Variants in ESRRG observed in about 807,000 individuals in gnomAD.
ESRRG encodes the protein estrogen related receptor gamma.
Under a neutral mutation model 44.0 loss-of-function variants are expected in ESRRG, and 13 were observed. The ratio of observed to expected loss-of-function variants is 0.30; its 90% confidence interval spans 0.19 to 0.47. The LOEUF (loss-of-function observed/expected upper bound fraction) is 0.47, where lower values mean the gene tolerates loss of function less well. ESRRG is among the 20% of genes least tolerant of loss of function. The probability of loss-of-function intolerance (pLI) is 1.00; values close to 1 mark genes in which losing one functional copy is unlikely to be tolerated. For missense variants in ESRRG, 395 were observed against 580.6 expected, an observed-to-expected ratio of 0.68 and a Z score of 3.29; for synonymous variants, 215 against 214.6, an observed-to-expected ratio of 1.00 and a Z score of -0.02.
At chr1:216,777,154 C>T (rs1289734473) in intron 2 of ESRRG, among the ~76,000 whole-genome samples, 1 of 152,114 alleles carries the variant, frequency 6.6e-6, no homozygotes, top group East Asian at 1.9e-4. Context: ...TATTTTGTGA[C>T]AGCTCTGTAT....
intron 2 of ESRRG, among the ~76,000 whole-genome samples, chr1:216,881,288 T>A (rs929337064): frequency 6.6e-6 from 1 of 152,186 alleles, no homozygotes; most frequent in African/African-American, 2.4e-5. Context: ...CTCAAAATAA[T>A]TGCAAAGATT....
At chr1:216,619,486 A>T (rs2150438234) in intron 3 of ESRRG, among the ~76,000 whole-genome samples, 1 of 152,304 alleles carries the variant, frequency 6.6e-6, no homozygotes, top group African/African-American at 2.4e-5. Flanking sequence ...TTGGCTTTCA[A>T]ATATGTAGGC....
intron 2 of ESRRG, among the ~76,000 whole-genome samples, chr1:216,912,258 GAGGA>G (rs1560084923): frequency 5.4e-5 from 3 of 55,446 alleles, no homozygotes; most frequent in Non-Finnish European, 8.4e-5. Context: ...GAGGAGAGGA[GAGGA>G]GAGGGGAGGG....
intron 3 of ESRRG, among the ~76,000 whole-genome samples, chr1:216,636,449 T>G (rs531641678): frequency 4.7e-4 from 71 of 152,338 alleles, no homozygotes; most frequent in African/African-American, 1.7e-3. Context: ...ATACTTTTTT[T>G]CAGTGATCTC....
intron 2 of ESRRG, among the ~76,000 whole-genome samples, chr1:216,778,685 T>C (rs2093703339): frequency 6.6e-6 from 1 of 151,920 alleles, no homozygotes; most frequent in African/African-American, 2.4e-5. Flanking sequence ...TTGGCTGAAA[T>C]GTATTGTACA....
intron 1 of ESRRG, among the ~76,000 whole-genome samples, chr1:217,043,921 T>C (rs1248363056): frequency 3.3e-5 from 5 of 150,618 alleles, no homozygotes; most frequent in African/African-American, 1.2e-4. Context: ...CCCAGAGCTC[T>C]GAAGAAAAGA....
intron 1 of ESRRG, among the ~76,000 whole-genome samples, chr1:216,992,783 T>C (rs1265437253): frequency 6.6e-6 from 1 of 152,218 alleles, no homozygotes; most frequent in Non-Finnish European, 1.5e-5. Flanking sequence ...TATACCATTA[T>C]TATCAAAGAA....
At chr1:216,774,103 A>G (rs1367043342) in intron 2 of ESRRG, among the ~76,000 whole-genome samples, 2 of 152,218 alleles carry the variant, frequency 1.3e-5, no homozygotes, top group Middle Eastern at 6.8e-3. Flanking sequence ...GGAGTGGAAG[A>G]GCTAAGATTT....
chr1:216,522,547 C>A (rs1433961667), intron 5 of ESRRG, among the ~76,000 whole-genome samples: 1 of 151,958 alleles, frequency 6.6e-6, no homozygotes, highest in Non-Finnish European at 1.5e-5. Context: ...GCTCTCCTGC[C>A]CAAATGCCTG....
At chr1:216,708,198 G>C (rs1046295822) in intron 1 of ESRRG, among the ~76,000 whole-genome samples, 26 of 149,154 alleles carry the variant, frequency 1.7e-4, no homozygotes, top group African/African-American at 6.2e-4. Flanking sequence ...CAAAGTCTCA[G>C]AAAAAAAAGC....
In ESRRG at chr1:216,504,087, A is replaced by G. The variant is rs562030703; in HGVS notation, c.*2852T>C. ...GAGTTACTTAAACTGAAAACTAAAA[A>G]ATTGTATCTCATTCTTTGAACATAT... On this transcript the variant is annotated 3_prime_UTR_variant, in exon 7 of 7. Coordinates refer to ENST00000408911, the MANE Select transcript of ESRRG (RefSeq NM_001438.4). 1 of 152,644 alleles carries G rather than the reference A, an allele frequency of 6.6e-6. No individual in the cohort carries two copies. The highest frequency in any genetic ancestry group is 1.9e-4 in the East Asian group (1 of 5,186). 9.5% of individuals were successfully genotyped at this position (152,644 alleles called of 1,614,324 possible). A position where few individuals can be genotyped will look rare whatever the true frequency, so the allele number is the denominator to read the frequency against.
At chr1:217,080,819 A>G (rs2091699578) in intron 1 of ESRRG, among the ~76,000 whole-genome samples, 1 of 151,656 alleles carries the variant, frequency 6.6e-6, no homozygotes, top group Non-Finnish European at 1.5e-5. Flanking sequence ...CTGGGACTAC[A>G]GGCGCCCGCC....
chr1:216,656,829 C>A (rs2070729454), intron 2 of ESRRG, among the ~76,000 whole-genome samples: 1 of 152,072 alleles, frequency 6.6e-6, no homozygotes, highest in South Asian at 2.1e-4. Context: ...ATATTTCTCC[C>A]AATTGTTTTA....
intron 1 of ESRRG, among the ~76,000 whole-genome samples, chr1:217,044,072 C>A (rs1209322062): frequency 6.6e-6 from 1 of 152,096 alleles, no homozygotes; most frequent in Non-Finnish European, 1.5e-5. Context: ...ATCTCAAGAC[C>A]CAGTCAATTA....
intron 5 of ESRRG, among the ~76,000 whole-genome samples, chr1:216,548,384 A>G (rs1385154407): frequency 6.6e-6 from 1 of 152,104 alleles, no homozygotes; most frequent in African/African-American, 2.4e-5. Flanking sequence ...AGTCTAACAC[A>G]ACTTTTATAG....
At chr1:216,714,666 A>C in intron 1 of ESRRG, 2 of 539,048 alleles carry the variant, frequency 3.7e-6, no homozygotes, top group Non-Finnish European at 4.7e-6. Flanking sequence ...AAAAAATACA[A>C]TTTGAGTTTT....
rs184746241 is a variant in ESRRG at position 216,688,948 on chromosome 1, T to C, written c.57-11457A>G. ...GAAATAGAAATGGAAAACAATTATA[T>C]ATATCTTAAAATACAGAGATGCATA... On this transcript the variant is annotated intron_variant, in intron 1 of 6. Transcript: ENST00000408911. Among the ~76,000 whole-genome samples, 30 of 152,234 alleles carry C rather than the reference T, an allele frequency of 2.0e-4. No individual in the cohort carries two copies. The East Asian group carries it at 5.2e-3, about 26-fold the overall frequency.
chr1:216,872,123 T>C (rs1222019261), intron 2 of ESRRG, among the ~76,000 whole-genome samples: 2 of 152,162 alleles, frequency 1.3e-5, no homozygotes, highest in Non-Finnish European at 2.9e-5. Context: ...AAAATATGTG[T>C]CACTTCCTTC....
chr1:217,009,575 G>T (rs1441856652), intron 1 of ESRRG, among the ~76,000 whole-genome samples: 1 of 152,000 alleles, frequency 6.6e-6, no homozygotes, highest in African/African-American at 2.4e-5. Flanking sequence ...ATTGTCTATT[G>T]TTCATGGTGT....
Sources: gnomAD v4.1 joint callset for allele counts (sites outside exome capture counted in the v4.1 genomes callset) on GRCh38, gnomAD v4.1.1 for gene constraint, MANE v1.5 for transcripts, NCBI Gene and HGNC (gene_info 2026-07-23, HGNC 2026-07-21) for gene names.